Variants in PTK2B observed in about 807,000 individuals in gnomAD.
PTK2B encodes the protein protein tyrosine kinase 2 beta.
PTK2B carries 71 observed loss-of-function variants against 142.9 expected under a neutral mutation model. The observed-to-expected ratio is 0.50, with a 90% confidence interval of 0.41 to 0.61. PTK2B has a LOEUF of 0.61. Ranked by LOEUF, PTK2B falls within the 20% of genes least tolerant of loss-of-function variation. PTK2B has a pLI of 0.00. For missense variants in PTK2B, 1,105 were observed against 1,320.4 expected, an observed-to-expected ratio of 0.84 and a Z score of 2.53; for synonymous variants, 519 against 503.4, an observed-to-expected ratio of 1.03 and a Z score of -0.42.
In PTK2B at chr8:27,455,375, T is replaced by A. The variant is rs537420172; in HGVS notation, c.2814+764T>A. On this transcript the variant is annotated intron_variant, in intron 30 of 30. Coordinates refer to ENST00000346049, the MANE Select transcript of PTK2B (RefSeq NM_173176.3). ...GCTCAGGAGTTTGAGACCAGCCTGG[T>A]CAACATGGCAAAACCATACAAAAAT... Among the ~76,000 whole-genome samples the A allele has an allele frequency of 1.1e-3, 169 of 152,144 alleles. 1 individual carries two copies. Among genetic ancestry groups the A allele is most frequent in the Admixed American group, 1.8e-3 (27 of 15,272 alleles).
intron 3 of PTK2B, among the ~76,000 whole-genome samples, chr8:27,315,351 G>C (rs1285515964): frequency 6.6e-6 from 1 of 152,130 alleles, no homozygotes; most frequent in African/African-American, 2.4e-5. Context: ...AATTATCCTA[G>C]ATCTATTCAC....
chr8:27,389,294 A>G (rs929782656), intron 1 of PTK2B, among the ~76,000 whole-genome samples: 1 of 151,966 alleles, frequency 6.6e-6, no homozygotes, highest in Admixed American at 6.6e-5. Flanking sequence ...GGAGGGAGGG[A>G]AGGAAGGAAA....
intron 1 of PTK2B, among the ~76,000 whole-genome samples, chr8:27,331,006 C>A (rs1803713072): frequency 6.6e-6 from 1 of 152,154 alleles, no homozygotes; most frequent in Non-Finnish European, 1.5e-5. Flanking sequence ...TGGCTGTGTT[C>A]GCTAACATCT....
chr8:27,405,040 C>CTCTCTCTCTCTCTCTCTCTCTA (rs1808625590), intron 2 of PTK2B, among the ~76,000 whole-genome samples: 1 of 53,592 alleles, frequency 1.9e-5, no homozygotes, highest in Admixed American at 1.8e-4. Context: ...CTCTTCCTCT[C>CTCTCTCTCTCTCTCTCTCTCTA]TCTCTCTCTC....
intron 5 of PTK2B, among the ~76,000 whole-genome samples, chr8:27,428,258 A>G (rs1810204567): frequency 6.6e-6 from 1 of 152,186 alleles, no homozygotes; most frequent in African/African-American, 2.4e-5. Flanking sequence ...GTAAATACAG[A>G]TGAAACTTCA....
intron 1 of PTK2B, among the ~76,000 whole-genome samples, chr8:27,390,659 A>G (rs1807660996): frequency 6.6e-6 from 1 of 152,292 alleles, no homozygotes; most frequent in Non-Finnish European, 1.5e-5. Context: ...AATAATAATT[A>G]AAATTAAATT....
chr8:27,456,040 G>T (rs1563308395), intron 30 of PTK2B, among the ~76,000 whole-genome samples: 2 of 152,230 alleles, frequency 1.3e-5, no homozygotes, highest in South Asian at 4.1e-4. Context: ...ACACATACAG[G>T]AGCCCTAGGT....
chr8:27,386,874 C>G (rs2131235950), intron 1 of PTK2B, among the ~76,000 whole-genome samples: 1 of 150,748 alleles, frequency 6.6e-6, no homozygotes, highest in Admixed American at 6.6e-5. Context: ...AAAAAAGTAC[C>G]TGAGGTTTTT....
intron 1 of PTK2B, among the ~76,000 whole-genome samples, chr8:27,385,009 G>A (rs181885324): frequency 5.3e-5 from 8 of 152,234 alleles, no homozygotes; most frequent in East Asian, 3.9e-4. Context: ...AGGGCATAGC[G>A]GTAAAGAGCC....
chr8:27,360,273 G>A (rs768315108), intron 1 of PTK2B, among the ~76,000 whole-genome samples: 8 of 152,246 alleles, frequency 5.3e-5, no homozygotes, highest in South Asian at 2.1e-4. Context: ...TCCTCCCTGA[G>A]CTCCCAGAAC....
intron 19 of PTK2B, 62 bp downstream of exon 19, chr8:27,439,193 G>A: frequency 6.4e-7 from 1 of 1,573,218 alleles, no homozygotes. Flanking sequence ...AAAAATTCCA[G>A]AAGAAGGAAG....
At chr8:27,355,629 T>C (rs941353967) in intron 1 of PTK2B, among the ~76,000 whole-genome samples, 7 of 152,220 alleles carry the variant, frequency 4.6e-5, no homozygotes, top group Non-Finnish European at 8.8e-5. Context: ...CTTGGCAGCA[T>C]GTACTAAGAA....
At chr8:27,352,647 T>C (rs1050427252) in intron 1 of PTK2B, among the ~76,000 whole-genome samples, 1 of 151,976 alleles carries the variant, frequency 6.6e-6, no homozygotes, top group African/African-American at 2.4e-5. Context: ...CGGTGGGAGG[T>C]AATTGAATCA....
chr8:27,350,912 G>T (rs1206954643), intron 1 of PTK2B, among the ~76,000 whole-genome samples: 2 of 139,138 alleles, frequency 1.4e-5, no homozygotes, highest in Non-Finnish European at 3.1e-5. Context: ...GGAGGCAAAG[G>T]TTGCAGTGAG....
chr8:27,408,822 G>T (rs1808881936), intron 2 of PTK2B, among the ~76,000 whole-genome samples: 1 of 152,202 alleles, frequency 6.6e-6, no homozygotes, highest in Admixed American at 6.5e-5. Context: ...TAGTCTCCTA[G>T]GTCTGCTTTA....
chr8:27,449,173 A>G (rs1259782152), intron 24 of PTK2B, among the ~76,000 whole-genome samples: 3 of 152,238 alleles, frequency 2.0e-5, no homozygotes, highest in Admixed American at 6.5e-5. Context: ...TGGTCTGACT[A>G]GTATTTACTT....
At chr8:27,430,513 G>C in intron 7 of PTK2B, 95 bp downstream of exon 7, 1 of 1,522,040 alleles carries the variant, frequency 6.6e-7, no homozygotes, top group Admixed American at 1.7e-5. Flanking sequence ...AGAGAAGCCA[G>C]GGTATCTGCG....
chr8:27,330,662 C>A (rs1474721027), intron 1 of PTK2B, among the ~76,000 whole-genome samples: 2 of 152,160 alleles, frequency 1.3e-5, no homozygotes, highest in Non-Finnish European at 2.9e-5. Context: ...CTTTTTGAGT[C>A]ACTCTGCTAT....
intron 2 of PTK2B, among the ~76,000 whole-genome samples, chr8:27,404,243 CTT>C (rs1808567408): frequency 6.6e-6 from 1 of 152,208 alleles, no homozygotes; most frequent in South Asian, 2.1e-4. Flanking sequence ...TTGACCCACT[CTT>C]TTCATGTGCT....
Sources: allele counts gnomAD v4.1 joint callset (sites outside exome capture counted in the v4.1 genomes callset), GRCh38; gene constraint gnomAD v4.1.1; transcripts MANE v1.5; gene names NCBI Gene and HGNC (gene_info 2026-07-23, HGNC 2026-07-21).